Variants in FAM13A observed in about 807,000 individuals in gnomAD.
FAM13A encodes family with sequence similarity 13 member A, also known as protein FAM13A.
A neutral mutation model predicts 129.6 loss-of-function variants in FAM13A; 76 were observed. The observed-to-expected ratio is 0.59, with a 90% CI of 0.49 to 0.71. The LOEUF is 0.71. FAM13A is among the 30% of genes least tolerant of loss of function. FAM13A has a pLI of 0.00. For missense variants in FAM13A, 1,108 were observed against 1,249.3 expected (o/e 0.89, Z 1.70); for synonymous variants, 443 against 449.9 (o/e 0.98, Z 0.20).
intron 4 of FAM13A, among the ~76,000 whole-genome samples, chr4:88,986,429 C>T (rs59698155): frequency 0.11 from 16,721 of 152,222 alleles, 989 homozygotes; most frequent in African/African-American, 0.15. Flanking sequence ...CCACCGCGCC[C>T]GACCAATTTT....
chr4:89,004,698 A>G (rs935643407), intron 3 of FAM13A, among the ~76,000 whole-genome samples: 75 of 152,326 alleles, frequency 4.9e-4, no homozygotes, highest in African/African-American at 1.8e-3. Flanking sequence ...AGAAAAAATG[A>G]GGAGAATCAC....
chr4:88,726,829 C>T lies in FAM13A; in HGVS notation c.*1704G>A, dbSNP rs2602120. On this transcript the variant is annotated 3_prime_UTR_variant, in exon 24 of 24. Coordinates refer to ENST00000264344, the MANE Select transcript of FAM13A (RefSeq NM_014883.4). ...CATTTAAACCTGTAGGATTATGTAC[C>T]GTCTTTGTGTATGGATTAAAACCAG... 0.021 allele frequency: 3,249 copies of T among 152,620 alleles called. 50 individuals carry two copies. The highest frequency in any genetic ancestry group is 0.037 in the African/African-American group (1,548 of 41,522). 9.5% of individuals were successfully genotyped at this position (152,620 alleles called of 1,614,324 possible).
At chr4:88,953,051 T>C (rs1560514250) in intron 4 of FAM13A, among the ~76,000 whole-genome samples, 2 of 152,322 alleles carry the variant, frequency 1.3e-5, no homozygotes, top group East Asian at 3.9e-4. Context: ...ACAATTAACA[T>C]CTTATACAAC....
chr4:88,806,657 A>T (rs922349863), intron 7 of FAM13A, among the ~76,000 whole-genome samples: 5 of 152,166 alleles, frequency 3.3e-5, no homozygotes, highest in African/African-American at 1.2e-4. Context: ...CTTAATGTTT[A>T]TAACTAATGG....
At chr4:89,033,607 T>G (rs1006521603) in intron 1 of FAM13A, among the ~76,000 whole-genome samples, 2 of 152,234 alleles carry the variant, frequency 1.3e-5, no homozygotes, top group African/African-American at 4.8e-5. Context: ...GTTATTTACA[T>G]GTTTCATGGT....
intron 5 of FAM13A, among the ~76,000 whole-genome samples, chr4:88,910,533 G>A (rs1748922805): frequency 6.6e-6 from 1 of 152,000 alleles, no homozygotes; most frequent in South Asian, 2.1e-4. Flanking sequence ...GATGCCACCT[G>A]GGAAGGGATA....
chr4:88,944,796 G>A (rs550903057), intron 4 of FAM13A, among the ~76,000 whole-genome samples: 1 of 151,952 alleles, frequency 6.6e-6, no homozygotes, highest in Admixed American at 6.5e-5. Context: ...CCAGCTACTC[G>A]AGAGGCTGAG....
chr4:88,935,154 G>C (rs1205395052), intron 5 of FAM13A, among the ~76,000 whole-genome samples: 2 of 152,218 alleles, frequency 1.3e-5, no homozygotes, highest in African/African-American at 4.8e-5. Flanking sequence ...CTACTGACCA[G>C]AGTCAGCTGA....
At chr4:88,791,283 T>C (rs1007843878) in intron 8 of FAM13A, among the ~76,000 whole-genome samples, 6 of 152,126 alleles carry the variant, frequency 3.9e-5, no homozygotes, top group African/African-American at 1.4e-4. Context: ...ATTTTCATGA[T>C]TTTCCCATTT....
intron 6 of FAM13A, among the ~76,000 whole-genome samples, chr4:88,871,925 C>T (rs1005128500): frequency 7.2e-5 from 11 of 152,190 alleles, no homozygotes; most frequent in African/African-American, 1.9e-4. Context: ...AAGGGAAGCC[C>T]ATCAGACTAA....
chr4:88,789,529 T>C (rs1374065213), intron 9 of FAM13A, among the ~76,000 whole-genome samples: 1 of 152,176 alleles, frequency 6.6e-6, no homozygotes, highest in Non-Finnish European at 1.5e-5. Context: ...GTAGGTGTAA[T>C]GGAAACATAT....
At chr4:89,002,299 C>T (rs577317540) in intron 3 of FAM13A, among the ~76,000 whole-genome samples, 3 of 152,240 alleles carry the variant, frequency 2.0e-5, no homozygotes, top group African/African-American at 7.2e-5. Context: ...TCGGCAAGTC[C>T]TTCAACACCG....
At chr4:88,850,720 T>G (rs988972870) in intron 7 of FAM13A, among the ~76,000 whole-genome samples, 4 of 152,222 alleles carry the variant, frequency 2.6e-5, no homozygotes, top group Non-Finnish European at 5.9e-5. Context: ...TATTTTCTAC[T>G]GAACATGCTA....
At chr4:89,038,132 C>T (rs946923174) in intron 1 of FAM13A, among the ~76,000 whole-genome samples, 7 of 152,176 alleles carry the variant, frequency 4.6e-5, no homozygotes, top group South Asian at 2.1e-4. Context: ...GGCAGCTCTG[C>T]GAGGGCCCAA....
intron 4 of FAM13A, among the ~76,000 whole-genome samples, chr4:88,962,711 T>G (rs1489568544): frequency 6.6e-6 from 1 of 152,192 alleles, no homozygotes; most frequent in Non-Finnish European, 1.5e-5. Context: ...GAAATATTTG[T>G]GGGATGTGCA....
intron 11 of FAM13A, among the ~76,000 whole-genome samples, chr4:88,777,700 C>G (rs1300551259): frequency 6.6e-6 from 1 of 152,204 alleles, no homozygotes; most frequent in East Asian, 1.9e-4. Flanking sequence ...ATCATATTCT[C>G]CTCTTTGGCT....
intron 6 of FAM13A, among the ~76,000 whole-genome samples, chr4:88,901,341 T>C (rs974468249): frequency 3.3e-5 from 5 of 152,168 alleles, no homozygotes; most frequent in Non-Finnish European, 5.9e-5. Context: ...TGAATATATA[T>C]TCTTCTCATC....
At chr4:88,803,240 A>G (rs943087256) in intron 8 of FAM13A, among the ~76,000 whole-genome samples, 1 of 152,180 alleles carries the variant, frequency 6.6e-6, no homozygotes, top group African/African-American at 2.4e-5. Flanking sequence ...AATCTCCATC[A>G]TATGAAAAGA....
At chr4:88,905,300 AT>A (rs149645672) in intron 6 of FAM13A, among the ~76,000 whole-genome samples, 3 of 151,660 alleles carry the variant, frequency 2.0e-5, no homozygotes, top group East Asian at 1.9e-4. Flanking sequence ...ATCCTGGCTA[AT>A]TTTTTTTGTA....
Sources: gnomAD v4.1 joint callset for allele counts (sites outside exome capture counted in the v4.1 genomes callset) on GRCh38, gnomAD v4.1.1 for gene constraint, MANE v1.5 for transcripts, NCBI Gene and HGNC (gene_info 2026-07-23, HGNC 2026-07-21) for gene names.